SLC24A3: variants seen among roughly 807,000 people sequenced by gnomAD.
The protein encoded by SLC24A3 is solute carrier family 24 member 3.
SLC24A3 carries 28 observed loss-of-function variants against 75.8 expected under a neutral mutation model. The ratio of observed to expected loss-of-function variants is 0.37; its 90% CI spans 0.27 to 0.51. The LOEUF is 0.51. SLC24A3 is among the 20% of genes least tolerant of loss of function. The pLI is 0.94. For missense variants in SLC24A3, 663 were observed against 847.8 expected (o/e 0.78, Z 2.71); for synonymous variants, 372 against 334.1 (o/e 1.11, Z -1.24).
At chr20:19,381,369 A>G (rs1986178317) in intron 2 of SLC24A3, among the ~76,000 whole-genome samples, 1 of 152,210 alleles carries the variant, frequency 6.6e-6, no homozygotes, top group African/African-American at 2.4e-5. Context: ...TGAGAAGAGA[A>G]ACACAAAGCA....
chr20:19,693,347 C>G lies in SLC24A3; in HGVS notation c.1413C>G (p.Arg471=). 6.2e-7 allele frequency: 1 copy of G among 1,614,136 alleles called. No individual in the cohort carries two copies. The highest frequency in any genetic ancestry group is 1.1e-5 in the South Asian group (1 of 91,080). Reference sequence around the variant, plus strand: ...CTGTACCCAACTGCAACAAGCCGCGCTGGGAGAAATGGTTCATGGTGACGT... The same window carrying G: ...CTGTACCCAACTGCAACAAGCCGCGGTGGGAGAAATGGTTCATGGTGACGT... ...YFTVPNCNKP[R]WEKWFMVTFA... is the part of the protein sequence containing the mutation. Residue 471 remains arginine (R), a synonymous_variant, in exon 13 of 17, where the codon CGC becomes CGG. Transcript: ENST00000328041.
At chr20:19,400,583 C>T (rs562934931) in intron 2 of SLC24A3, among the ~76,000 whole-genome samples, 68 of 152,276 alleles carry the variant, frequency 4.5e-4, no homozygotes, top group South Asian at 8.3e-4. Context: ...AATGCTCCTG[C>T]GGGACCCTCT....
At chr20:19,429,831 C>T (rs921699016) in intron 2 of SLC24A3, among the ~76,000 whole-genome samples, 12 of 152,148 alleles carry the variant, frequency 7.9e-5, no homozygotes, top group East Asian at 3.9e-4. Flanking sequence ...ATTATGCTCT[C>T]CTCATTTGAT....
chr20:19,487,670 C>G (rs1172329308), intron 2 of SLC24A3, among the ~76,000 whole-genome samples: 1 of 152,150 alleles, frequency 6.6e-6, no homozygotes. Flanking sequence ...CATCTTGACT[C>G]AATCACAGCC....
chr20:19,508,324 G>T (rs1988489616), intron 2 of SLC24A3, among the ~76,000 whole-genome samples: 1 of 152,206 alleles, frequency 6.6e-6, no homozygotes, highest in Non-Finnish European at 1.5e-5. Flanking sequence ...ATTTTGTCAT[G>T]AGAAGGTCAC....
intron 2 of SLC24A3, among the ~76,000 whole-genome samples, chr20:19,496,804 G>A (rs1430036150): frequency 3.9e-5 from 6 of 152,138 alleles, no homozygotes. Flanking sequence ...GCTGGAGTTA[G>A]CAAAATGGTA....
chr20:19,583,941 T>A (rs1205224519), intron 4 of SLC24A3, among the ~76,000 whole-genome samples: 1 of 152,132 alleles, frequency 6.6e-6, no homozygotes, highest in Non-Finnish European at 1.5e-5. Context: ...TGCAGACTAT[T>A]GTGGGTCACT....
intron 1 of SLC24A3, among the ~76,000 whole-genome samples, chr20:19,237,462 CT>C (rs1179624002): frequency 6.6e-6 from 1 of 152,192 alleles, no homozygotes; most frequent in Non-Finnish European, 1.5e-5. Flanking sequence ...TCATGGGAAT[CT>C]GTGCTTTGTG....
At chr20:19,648,541 G>C (rs1200330383) in intron 6 of SLC24A3, among the ~76,000 whole-genome samples, 2 of 151,322 alleles carry the variant, frequency 1.3e-5, no homozygotes. Context: ...TGTTCATCAA[G>C]AAAAGTTATC....
intron 3 of SLC24A3, among the ~76,000 whole-genome samples, chr20:19,571,464 G>C (rs1175380102): frequency 6.6e-6 from 1 of 152,058 alleles, no homozygotes; most frequent in Admixed American, 6.6e-5. Context: ...GGGAGAGAGA[G>C]GAGAAAAAGA....
intron 2 of SLC24A3, among the ~76,000 whole-genome samples, chr20:19,336,257 T>C (rs1342456842): frequency 1.3e-5 from 2 of 152,200 alleles, no homozygotes; most frequent in Admixed American, 1.3e-4. Context: ...TAGACACACC[T>C]GTTGGTTTAT....
chr20:19,630,131 G>T lies in SLC24A3; in HGVS notation c.613-23931G>T, dbSNP rs146570582. On this transcript the variant is annotated intron_variant, in intron 6 of 16. Transcript: ENST00000328041. ...ATCATCTTAGAGGCTTAGGGCACAA[G>T]AGATCCTATGAAAAGCCACTATGGC... 6.2e-3 allele frequency among the ~76,000 whole-genome samples: 941 copies of T among 152,274 alleles called. 15 individuals are homozygous for T. Among genetic ancestry groups the T allele is most frequent in the African/African-American group, 0.021 (888 of 41,550 alleles).
intron 2 of SLC24A3, among the ~76,000 whole-genome samples, chr20:19,436,890 A>G (rs1568617619): frequency 6.6e-6 from 1 of 152,208 alleles, no homozygotes; most frequent in East Asian, 1.9e-4. Flanking sequence ...TTCTGCAGCC[A>G]GGGGATTGGG....
intron 2 of SLC24A3, among the ~76,000 whole-genome samples, chr20:19,452,589 G>T (rs1387212413): frequency 6.6e-6 from 1 of 152,042 alleles, no homozygotes; most frequent in Non-Finnish European, 1.5e-5. Context: ...GGCCTGTGGG[G>T]ACATTATGTT....
rs1568640946 is a variant in SLC24A3, at chr20:19,515,507, T to C, written c.291T>C (p.Asn97=). 1 of 1,614,190 alleles carries C rather than the reference T, an allele frequency of 6.2e-7. No individual in the cohort carries two copies. The highest frequency in any genetic ancestry group is 8.5e-7 in the Non-Finnish European group (1 of 1,180,014). ...CTEPALHEFP[N]DIFTNEDRRQ... ...CTTTAGCCCTGCATGAATTCCCCAA[T>C]GACATCTTCACAAACGAGGATAGAA... The change falls in exon 3 of 17, where the codon AAT becomes AAC. Residue 97 remains asparagine, a synonymous_variant. Coordinates refer to ENST00000328041, the MANE Select transcript of SLC24A3 (RefSeq NM_020689.4).
At chr20:19,444,870 TTTGTTGTTG>T (rs143149995) in intron 2 of SLC24A3, among the ~76,000 whole-genome samples, 3 of 151,458 alleles carry the variant, frequency 2.0e-5, no homozygotes, top group East Asian at 1.9e-4. Flanking sequence ...TAATCGGCTT[TTTGTTGTTG>T]TTGTTGTTGT....
At chr20:19,408,390 CTT>C (rs1219522685) in intron 2 of SLC24A3, among the ~76,000 whole-genome samples, 51 of 137,010 alleles carry the variant, frequency 3.7e-4, no homozygotes, top group African/African-American at 6.8e-4. Context: ...ATTAAAAATA[CTT>C]TTTTTTTTTT....
At chr20:19,632,770 C>A (rs2031950617) in intron 6 of SLC24A3, among the ~76,000 whole-genome samples, 1 of 152,168 alleles carries the variant, frequency 6.6e-6, no homozygotes, top group African/African-American at 2.4e-5. Context: ...GTGTCCCTGA[C>A]AACAGCTCTG....
intron 2 of SLC24A3, among the ~76,000 whole-genome samples, chr20:19,343,609 G>C (rs947959019): frequency 3.9e-5 from 6 of 152,120 alleles, no homozygotes; most frequent in African/African-American, 1.4e-4. Flanking sequence ...TGGAGTACAG[G>C]GTCTCTGTGG....
Sources: allele counts gnomAD v4.1 joint callset (sites outside exome capture counted in the v4.1 genomes callset), GRCh38; gene constraint gnomAD v4.1.1; transcripts MANE v1.5; gene names NCBI Gene and HGNC (gene_info 2026-07-23, HGNC 2026-07-21).